CEP112: variants seen among roughly 807,000 people sequenced by gnomAD.
The protein encoded by CEP112 is centrosomal protein 112.
Under a neutral mutation model 153.0 loss-of-function variants are expected in CEP112, and 127 were observed. The observed-to-expected ratio is 0.83, with a 90% confidence interval of 0.72 to 0.96. The LOEUF (loss-of-function observed/expected upper bound fraction) is 0.96. Ranked by LOEUF, CEP112 falls within the 40% of genes least tolerant of loss-of-function variation. The probability of loss-of-function intolerance (pLI) is 0.00; values close to 1 mark genes in which losing one functional copy is unlikely to be tolerated. For synonymous variants in CEP112, 358 were observed against 374.4 expected (o/e 0.96, Z 0.51); for missense variants, 1,089 against 1,101.2 (o/e 0.99, Z 0.16).
At chr17:66,074,676 A>G (rs950354323) in intron 8 of CEP112, among the ~76,000 whole-genome samples, 2 of 152,112 alleles carry the variant, frequency 1.3e-5, no homozygotes, top group African/African-American at 4.8e-5. Flanking sequence ...CATCCTGGCC[A>G]ACATGGTGAA....
chr17:66,066,279 C>A (rs915030433), intron 10 of CEP112, among the ~76,000 whole-genome samples: 1 of 152,044 alleles, frequency 6.6e-6, no homozygotes. Flanking sequence ...AATTAAAGTG[C>A]AAATAGGAAA....
intron 4 of CEP112, among the ~76,000 whole-genome samples, chr17:66,174,127 A>G (rs1056345380): frequency 6.6e-6 from 1 of 151,898 alleles, no homozygotes; most frequent in Non-Finnish European, 1.5e-5. Context: ...GTGGGGTTTC[A>G]CCATGTTAGC....
At chr17:65,936,166 T>C (rs1051887830) in intron 18 of CEP112, among the ~76,000 whole-genome samples, 2 of 152,038 alleles carry the variant, frequency 1.3e-5, no homozygotes, top group South Asian at 4.1e-4. Flanking sequence ...CCTACACATA[T>C]AGAACCTACC....
chr17:65,954,762 C>T (rs1252763575), intron 18 of CEP112, among the ~76,000 whole-genome samples: 2 of 151,904 alleles, frequency 1.3e-5, no homozygotes, highest in African/African-American at 4.8e-5. Context: ...GAAGAAAGAA[C>T]CTCAGAGCTC....
At chr17:65,816,034 C>T (rs956956413) in intron 21 of CEP112, among the ~76,000 whole-genome samples, 1 of 152,016 alleles carries the variant, frequency 6.6e-6, no homozygotes, top group Non-Finnish European at 1.5e-5. Context: ...GAAGTGGTAA[C>T]AGTAGATGTC....
In CEP112 at chr17:65,961,548, G is replaced by T; in HGVS notation, c.1787C>A (p.Ala596Asp). Residue 596 changes from alanine to aspartate, a missense_variant, in exon 18 of 27, where the codon GCC becomes GAC. Physicochemically the swap from Ala to Asp is moderately radical, Grantham distance 126 (BLOSUM62 -2). Transcript: ENST00000535342. ...TTCCAGAGCGGCATCTGCCTGCTGG[G>T]CCTGCAACCTCTGAACTTCAGTCAC... ...TRVTEVQRLQAQQADAALEEF... is the reference protein window; with the variant it reads ...TRVTEVQRLQDQQADAALEEF... The T allele has an allele frequency of 6.2e-7, 1 of 1,613,480 alleles. No individual in the cohort carries two copies. Among genetic ancestry groups the T allele is most frequent in the Non-Finnish European group, 8.5e-7 (1 of 1,179,516 alleles).
intron 24 of CEP112, among the ~76,000 whole-genome samples, chr17:65,666,805 C>G (rs1371305608): frequency 6.6e-6 from 1 of 152,026 alleles, no homozygotes; most frequent in East Asian, 1.9e-4. Flanking sequence ...TTTGAGCATT[C>G]ATGAGGCAGT....
intron 12 of CEP112, among the ~76,000 whole-genome samples, chr17:66,030,538 TTTAA>T (rs1200414469): frequency 6.6e-6 from 1 of 152,190 alleles, no homozygotes; most frequent in African/African-American, 2.4e-5. Flanking sequence ...TATAGGAACA[TTTAA>T]TTAGTTGTGT....
At chr17:66,085,979 C>CAAAAAA (rs373315539) in intron 8 of CEP112, among the ~76,000 whole-genome samples, 1 of 110,118 alleles carries the variant, frequency 9.1e-6, no homozygotes, top group Admixed American at 1.1e-4. Context: ...GACTCCGTCT[C>CAAAAAA]AAAAAAAAAA....
At chr17:65,655,062 C>G (rs1460972716) in intron 24 of CEP112, 1 of 686,886 alleles carries the variant, frequency 1.5e-6, no homozygotes, top group Non-Finnish European at 2.8e-6. Context: ...GATCCAGAAC[C>G]AAAACCTATG....
intron 11 of CEP112, among the ~76,000 whole-genome samples, chr17:66,060,257 T>A (rs897458449): frequency 6.6e-6 from 1 of 152,160 alleles, no homozygotes; most frequent in Admixed American, 6.5e-5. Flanking sequence ...GTAACACACC[T>A]GCACATCTAC....
In CEP112 at chr17:66,168,439, ATATG is replaced by A. The variant is rs947399402; in HGVS notation, c.470+6601_470+6604del. Among the ~76,000 whole-genome samples, 142 of 141,036 alleles carry A rather than the reference ATATG, an allele frequency of 1.0e-3. 1 individual carries two copies. Among genetic ancestry groups the A allele is most frequent in the African/African-American group, 3.4e-3 (136 of 39,858 alleles). 92.5% of individuals were successfully genotyped at this position (141,036 alleles called of 152,430 possible). A position where few individuals can be genotyped will look rare whatever the true frequency, so the allele number is the denominator to read the frequency against. On this transcript the variant is annotated intron_variant, in intron 4 of 26. Coordinates refer to ENST00000535342, the MANE Select transcript of CEP112 (RefSeq NM_001199165.4). ...TGTGTGTGTGTATATATATGTATAT[ATATG>A]TGTGTGTATATATGTATATGTGTGT...
rs535184179 is a variant in CEP112 at position 66,018,709 on chromosome 17, T to G, written c.1656+8792A>C. 8.6e-4 allele frequency among the ~76,000 whole-genome samples: 131 copies of G among 152,354 alleles called. 3 individuals carry two copies. The South Asian group carries it at 8.7e-3, about 10-fold the overall frequency. On this transcript the variant is annotated intron_variant, in intron 16 of 26. Coordinates refer to ENST00000535342, the MANE Select transcript of CEP112 (RefSeq NM_001199165.4). ...ACATGATTTAAAAAGCGTGCATGATTGCTAGGCATTGGAATAACTATATTT... is the reference window on the plus strand; with the variant it reads ...ACATGATTTAAAAAGCGTGCATGATGGCTAGGCATTGGAATAACTATATTT...
rs537415229 is a variant in CEP112 at position 66,088,064 on chromosome 17, G to T, written c.768+8187C>A. Among the ~76,000 whole-genome samples, 29 of 151,476 alleles carry T rather than the reference G, an allele frequency of 1.9e-4. No homozygotes were observed. The South Asian group carries it at 4.4e-3, about 23-fold the overall frequency. On this transcript the variant is annotated intron_variant, in intron 8 of 26. Transcript: ENST00000535342. ...CTCACCCCACCCCATGCTGATACCA[G>T]CAGCCACAGCATCCAAACTAACCCT...
intron 24 of CEP112, among the ~76,000 whole-genome samples, chr17:65,676,827 C>T (rs560389374): frequency 4.6e-5 from 7 of 152,272 alleles, no homozygotes; most frequent in Admixed American, 6.5e-5. Flanking sequence ...TGGGATCATT[C>T]GGTTTAGTTT....
rs57598697 is a variant in CEP112, at chr17:65,950,699, C to CTATTATTATTAGTGGTAGTAG, written c.1872+10763_1872+10764insCTACTACCACTAATAATAATA. Among the ~76,000 whole-genome samples, 4 of 147,134 alleles carry CTATTATTATTAGTGGTAGTAG rather than the reference C, an allele frequency of 2.7e-5. No homozygotes were observed. In the Admixed American group the frequency reaches 2.8e-4, roughly 10 times the overall value. ...CTTTCTTTCCATTCTGGATACATTA[C>CTATTATTATTAGTGGTAGTAG]TAGTAGTAGTAGTAGTAGTAGTAGT... On this transcript the variant is annotated intron_variant, in intron 18 of 26. Transcript: ENST00000535342.
intron 23 of CEP112, among the ~76,000 whole-genome samples, chr17:65,707,264 G>C (rs1008078214): frequency 6.6e-6 from 1 of 152,174 alleles, no homozygotes; most frequent in Admixed American, 6.5e-5. Flanking sequence ...AGGATGAATA[G>C]AAAATTATAA....
At chr17:66,121,680 T>TAATTTCCA (rs1242944852) in intron 6 of CEP112, among the ~76,000 whole-genome samples, 2 of 152,070 alleles carry the variant, frequency 1.3e-5, no homozygotes, top group Admixed American at 6.6e-5. Flanking sequence ...TTTAACACTA[T>TAATTTCCA]AATTTCCATC....
At chr17:66,047,217 A>G (rs1298637053) in intron 12 of CEP112, among the ~76,000 whole-genome samples, 1 of 152,008 alleles carries the variant, frequency 6.6e-6, no homozygotes, top group Non-Finnish European at 1.5e-5. Flanking sequence ...CCTGGGTTCA[A>G]GTGATTCTCC....
Sources: gnomAD v4.1 joint callset for allele counts (sites outside exome capture counted in the v4.1 genomes callset) on GRCh38, gnomAD v4.1.1 for gene constraint, MANE v1.5 for transcripts, NCBI Gene and HGNC (gene_info 2026-07-23, HGNC 2026-07-21) for gene names.